Variants in PLXNA4 observed in about 807,000 individuals in gnomAD.
The protein encoded by PLXNA4 is plexin-A4.
PLXNA4 carries 44 observed loss-of-function variants against 191.8 expected under a neutral mutation model. That is an observed-to-expected ratio of 0.23 (90% confidence interval 0.18 to 0.29). The LOEUF (loss-of-function observed/expected upper bound fraction) is 0.29. Among genes scored for constraint, PLXNA4 ranks in the 10% least tolerant of loss-of-function variants. The pLI is 1.00. For missense variants in PLXNA4, 1,800 were observed against 2,488.8 expected (o/e 0.72, Z 5.89); for synonymous variants, 1,082 against 1,009.5 (o/e 1.07, Z -1.36).
At chr7:132,506,566 A>G (rs953399569) in intron 2 of PLXNA4, among the ~76,000 whole-genome samples, 1 of 152,220 alleles carries the variant, frequency 6.6e-6, no homozygotes, top group Non-Finnish European at 1.5e-5. Context: ...CAAGTCACCC[A>G]AAGAATGATA....
chr7:132,444,740 C>T (rs1795831177), intron 3 of PLXNA4, among the ~76,000 whole-genome samples: 2 of 152,128 alleles, frequency 1.3e-5, no homozygotes, highest in Admixed American at 1.3e-4. Context: ...TGCAACCATG[C>T]ACCCTCTCCA....
intron 3 of PLXNA4, chr7:132,384,731 A>G (rs1201908277): frequency 9.7e-7 from 1 of 1,034,030 alleles, no homozygotes; most frequent in Non-Finnish European, 1.2e-6. Flanking sequence ...CACACCTTTA[A>G]ACACAGATAA....
At chr7:132,502,237 C>T (rs1372325637) in intron 2 of PLXNA4, among the ~76,000 whole-genome samples, 5 of 152,116 alleles carry the variant, frequency 3.3e-5, no homozygotes, top group East Asian at 3.9e-4. Flanking sequence ...AAGGGGGTGA[C>T]CCTGTCTCCT....
At chr7:132,464,115 T>C (rs776129017) in intron 3 of PLXNA4, among the ~76,000 whole-genome samples, 8 of 152,178 alleles carry the variant, frequency 5.3e-5, no homozygotes, top group Non-Finnish European at 8.8e-5. Context: ...TTAACATTTC[T>C]CCCCACTTAA....
At chr7:132,195,230 T>G (rs1797219615) in intron 13 of PLXNA4, among the ~76,000 whole-genome samples, 1 of 152,214 alleles carries the variant, frequency 6.6e-6, no homozygotes, top group Non-Finnish European at 1.5e-5. Context: ...CTATAAACAC[T>G]TCTGTTTTTT....
Position 132,146,558 on chromosome 7 carries a change from C to G in PLXNA4, c.5007G>C (p.Gly1669=). The G allele has an allele frequency of 1.9e-6, 3 of 1,614,142 alleles. No homozygotes were observed. Among genetic ancestry groups the G allele is most frequent in the Non-Finnish European group, 2.5e-6 (3 of 1,180,012 alleles). The stretch of plus-strand genomic sequence containing the variant: ...GGTAGATTTCAGACACCATCTTGCT[C>G]CCCCGGTCCCCCTCCTTCTGGTCTC... ...EHGDQKEGDR[G]SKMVSEIYLT... Residue 1669 remains glycine, a synonymous_variant, in exon 28 of 32, where the codon GGG becomes GGC. Transcript: ENST00000321063.
chr7:132,577,055 C>T (rs1203847287), upstream of PLXNA4: 1 of 146,398 alleles, frequency 6.8e-6, no homozygotes, highest in Non-Finnish European at 1.5e-5. Context: ...GCCCTGGGGC[C>T]GGGGCTGGGG....
At chr7:132,553,510 G>T (rs1043965141) in intron 1 of PLXNA4, among the ~76,000 whole-genome samples, 1 of 152,078 alleles carries the variant, frequency 6.6e-6, no homozygotes, top group African/African-American at 2.4e-5. Flanking sequence ...TCAATCTGAA[G>T]CACAGGCACC....
At chr7:132,268,341 G>T (rs2116308433) in intron 4 of PLXNA4, among the ~76,000 whole-genome samples, 1 of 152,310 alleles carries the variant, frequency 6.6e-6, no homozygotes, top group East Asian at 1.9e-4. Flanking sequence ...TGAAACTACA[G>T]CACCATGGAA....
intron 2 of PLXNA4, among the ~76,000 whole-genome samples, chr7:132,632,635 G>A (rs1178380947): frequency 6.6e-6 from 1 of 152,158 alleles, no homozygotes; most frequent in Non-Finnish European, 1.5e-5. Context: ...GGGGAGGGTA[G>A]ATAATCACAA....
At chr7:132,623,744 C>A (rs1481442636) in intron 2 of PLXNA4, among the ~76,000 whole-genome samples, 1 of 152,216 alleles carries the variant, frequency 6.6e-6, no homozygotes, top group Non-Finnish European at 1.5e-5. Flanking sequence ...ACTCCAAAGG[C>A]CTTTACAGGT....
At chr7:132,506,598 G>A (rs574302338) in intron 2 of PLXNA4, among the ~76,000 whole-genome samples, 7 of 152,354 alleles carry the variant, frequency 4.6e-5, no homozygotes, top group Admixed American at 4.6e-4. Flanking sequence ...GGACCATTGT[G>A]AAGAGGAACA....
chr7:132,316,011 A>G (rs1584982369), intron 3 of PLXNA4, among the ~76,000 whole-genome samples: 1 of 152,196 alleles, frequency 6.6e-6, no homozygotes, highest in Non-Finnish European at 1.5e-5. Context: ...GAAGTGTTGT[A>G]TGTTTCCAGG....
At chr7:132,350,212 A>G (rs1351372898) in intron 3 of PLXNA4, among the ~76,000 whole-genome samples, 7 of 152,198 alleles carry the variant, frequency 4.6e-5, no homozygotes, top group Non-Finnish European at 2.9e-5. Flanking sequence ...TCAAGAATAC[A>G]TTAACTCAGG....
At chr7:132,599,012 GTTAA>G (rs1248557063) in intron 2 of PLXNA4, among the ~76,000 whole-genome samples, 1 of 152,094 alleles carries the variant, frequency 6.6e-6, no homozygotes, top group Non-Finnish European at 1.5e-5. Flanking sequence ...AGCCAAATCT[GTTAA>G]TTAAATAGTT....
chr7:132,580,325 A>G (rs1802379157), upstream of PLXNA4, among the ~76,000 whole-genome samples: 1 of 152,184 alleles, frequency 6.6e-6, no homozygotes, highest in African/African-American at 2.4e-5. Context: ...CATTAGGTAC[A>G]AGATCTTCTG....
chr7:132,598,676 T>TTTCCTGTG, intron 2 of PLXNA4, among the ~76,000 whole-genome samples: 6 of 152,148 alleles, frequency 3.9e-5, no homozygotes, highest in African/African-American at 1.4e-4. Context: ...GAATTCTAAA[T>TTTCCTGTG]AACAGTGCTC....
At chr7:132,554,621 T>C (rs1447414378) in intron 1 of PLXNA4, among the ~76,000 whole-genome samples, 3 of 152,174 alleles carry the variant, frequency 2.0e-5, no homozygotes, top group Non-Finnish European at 4.4e-5. Flanking sequence ...TCGAGCACGC[T>C]CTGAACCAGG....
At chr7:132,189,002 G>GGAGAGGAGAGGAGAGGAGAGGAAAGGAAA (rs1562908904) in intron 14 of PLXNA4, among the ~76,000 whole-genome samples, 2 of 45,018 alleles carry the variant, frequency 4.4e-5, no homozygotes, top group Admixed American at 2.4e-4. Context: ...AGGAGAGAGA[G>GGAGAGGAGAGGAGAGGAGAGGAAAGGAAA]AGAGAGAGAG....
Sources: allele counts gnomAD v4.1 joint callset (sites outside exome capture counted in the v4.1 genomes callset), GRCh38; gene constraint gnomAD v4.1.1; transcripts MANE v1.5; gene names NCBI Gene and HGNC (gene_info 2026-07-23, HGNC 2026-07-21).